Variants in CPS1 observed in about 807,000 individuals in gnomAD.
The protein encoded by CPS1 is carbamoyl-phosphate synthase [ammonia], mitochondrial.
In CPS1, 109 loss-of-function variants were observed where a neutral mutation model predicts 174.6. The observed-to-expected ratio is 0.62, with a 90% CI of 0.53 to 0.73. The LOEUF is 0.73. CPS1 is among the 30% of genes least tolerant of loss of function. The pLI is 0.00. For missense variants in CPS1, 1,689 were observed against 1,821.9 expected, an observed-to-expected ratio of 0.93 and a Z score of 1.33; for synonymous variants, 637 against 632.0, an observed-to-expected ratio of 1.01 and a Z score of -0.12.
At chr2:210,513,903 A>C (rs1340447624) in intron 1 of CPS1, among the ~76,000 whole-genome samples, 1 of 152,016 alleles carries the variant, frequency 6.6e-6, no homozygotes, top group Non-Finnish European at 1.5e-5. Context: ...TTTTCTGCAT[A>C]TGGCTAGTCA....
In CPS1 at chr2:210,578,543, G is replaced by T. The variant is rs183392522; in HGVS notation, c.471+1033G>T. ...GTAGCTGCTTTTTGTTCAACTGCTG[G>T]GCCTGTAATTGACAGAATTTTATTC... is the stretch of plus-strand genomic sequence containing the variant. On this transcript the variant is annotated intron_variant, in intron 4 of 37. Coordinates refer to ENST00000233072, the MANE Select transcript of CPS1 (RefSeq NM_001875.5). Among the ~76,000 whole-genome samples, 11 of 152,058 alleles carry T rather than the reference G, an allele frequency of 7.2e-5. No individual in the cohort carries two copies. The East Asian group carries it at 2.1e-3, about 29-fold the overall frequency.
At position 210,656,575 on chromosome 2, in the gene CPS1, G is replaced by A. The variant is rs148237524; in HGVS notation, c.3609G>A (p.Ser1203=). Residue 1203 remains serine, a synonymous_variant, in exon 30 of 38, where the codon TCG becomes TCA. Transcript: ENST00000233072. ...ATGTTGAAGATGCAGGTGTCCACTCGGGAGATGCCACTCTGATGCTGCCCA... is the reference window on the plus strand; with the variant it reads ...ATGTTGAAGATGCAGGTGTCCACTCAGGAGATGCCACTCTGATGCTGCCCA... ...SEHVEDAGVH[S]GDATLMLPTQ... is the part of the protein sequence containing the mutation. 1.2e-6 allele frequency: 2 copies of A among 1,611,974 alleles called. No individual in the cohort carries two copies. The highest frequency in any genetic ancestry group is 1.3e-5 in the African/African-American group (1 of 74,080).
chr2:210,492,153 T>G (rs892496519), intron 1 of CPS1, among the ~76,000 whole-genome samples: 7 of 152,374 alleles, frequency 4.6e-5, no homozygotes, highest in Non-Finnish European at 8.8e-5. Context: ...GTTATCATTA[T>G]ATAACATTCA....
chr2:210,640,496 T>A (rs1251864462), intron 24 of CPS1, among the ~76,000 whole-genome samples: 3 of 152,214 alleles, frequency 2.0e-5, no homozygotes, highest in Non-Finnish European at 4.4e-5. Context: ...TTCGTTTACC[T>A]CAAATGCAAA....
At chr2:210,509,398 T>G (rs1695388004) in intron 1 of CPS1, among the ~76,000 whole-genome samples, 1 of 152,178 alleles carries the variant, frequency 6.6e-6, no homozygotes, top group Non-Finnish European at 1.5e-5. Context: ...ATAAGAGCTA[T>G]CTATGACAAA....
chr2:210,607,725 T>C (rs1698967992), intron 18 of CPS1, among the ~76,000 whole-genome samples: 1 of 151,866 alleles, frequency 6.6e-6, no homozygotes, highest in African/African-American at 2.4e-5. Flanking sequence ...CCTCATTTGT[T>C]AGGTGGAAGT....
chr2:210,484,997 G>C (rs1056511462), intron 1 of CPS1, among the ~76,000 whole-genome samples: 3 of 152,028 alleles, frequency 2.0e-5, no homozygotes, highest in Admixed American at 6.5e-5. Context: ...GGGAGGCTGA[G>C]GTGGGCAGAT....
At chr2:210,652,849 G>A (rs1487041798) in intron 28 of CPS1, among the ~76,000 whole-genome samples, 1 of 152,114 alleles carries the variant, frequency 6.6e-6, no homozygotes, top group African/African-American at 2.4e-5. Flanking sequence ...GAGGGAGAGA[G>A]TATAGAAGAA....
intron 9 of CPS1, among the ~76,000 whole-genome samples, chr2:210,591,396 G>A (rs1698291514): frequency 6.6e-6 from 1 of 151,804 alleles, no homozygotes; most frequent in African/African-American, 2.4e-5. Flanking sequence ...TAAACATCAG[G>A]CTTTTTCCCA....
intron 21 of CPS1, among the ~76,000 whole-genome samples, chr2:210,633,372 G>T (rs7607234): frequency 6.6e-6 from 1 of 151,044 alleles, no homozygotes; most frequent in East Asian, 1.9e-4. Context: ...CTTCTTTCTC[G>T]TTCTCCCTTC....
In CPS1 at chr2:210,588,062, T is replaced by C. The variant is rs1227051268; in HGVS notation, c.626T>C (p.Val209Ala). The part of the protein sequence containing the change: ...NLIAEVSTKD[V>A]KVYGKGNPTK... ...CTCTGGTTTTTAAAATGGCAGGATGTCAAAGTGTACGGCAAAGGAAACCCC... is the reference window on the plus strand; with the variant it reads ...CTCTGGTTTTTAAAATGGCAGGATGCCAAAGTGTACGGCAAAGGAAACCCC... Residue 209 changes from valine (V) to alanine (A), a missense_variant, in exon 7 of 38, where the codon GTC (valine) becomes GCC (alanine). Coordinates refer to ENST00000233072, the MANE Select transcript of CPS1 (RefSeq NM_001875.5). 1 of 1,612,906 alleles carries C rather than the reference T, an allele frequency of 6.2e-7. No homozygotes were observed. Among genetic ancestry groups the C allele is most frequent in the Non-Finnish European group, 8.5e-7 (1 of 1,179,184 alleles).
At chr2:210,606,478 T>G (rs1435217149) in intron 17 of CPS1, among the ~76,000 whole-genome samples, 1 of 151,844 alleles carries the variant, frequency 6.6e-6, no homozygotes, top group African/African-American at 2.4e-5. Context: ...GTCAATCTAG[T>G]AAGTAGACGA....
Position 210,659,276 on chromosome 2 carries a change from C to A in CPS1, c.3756+588C>A, listed in dbSNP as rs114636477. On this transcript the variant is annotated intron_variant, in intron 31 of 37. Transcript: ENST00000233072. ...AGCTGAATCTGGTAAGGGTCTCAGG[C>A]TGCTTCCATTCATGGTGGAGAGTGG... Among the ~76,000 whole-genome samples, 315 of 152,176 alleles carry A rather than the reference C, an allele frequency of 2.1e-3. 2 individuals carry two copies. The highest frequency in any genetic ancestry group is 7.2e-3 in the African/African-American group (300 of 41,508).
chr2:210,575,981 A>G (rs981578476), intron 2 of CPS1, among the ~76,000 whole-genome samples: 7 of 152,132 alleles, frequency 4.6e-5, no homozygotes, highest in African/African-American at 1.7e-4. Flanking sequence ...GCTCAATGAT[A>G]TCTGGTAGGC....
At chr2:210,580,518 T>C (rs1299050009) in intron 5 of CPS1, among the ~76,000 whole-genome samples, 1 of 151,994 alleles carries the variant, frequency 6.6e-6, no homozygotes, top group Non-Finnish European at 1.5e-5. Flanking sequence ...TAAAGTTTTC[T>C]TACTAAATAT....
At chr2:210,619,934 G>C (rs925920901) in intron 21 of CPS1, 9 of 151,838 alleles carry the variant, frequency 5.9e-5, no homozygotes, top group Non-Finnish European at 1.2e-4. Context: ...GGGCCTGTTG[G>C]GGGGTGGGGG....
intron 1 of CPS1, among the ~76,000 whole-genome samples, chr2:210,523,599 G>T (rs1695885981): frequency 6.6e-6 from 1 of 151,906 alleles, no homozygotes; most frequent in Non-Finnish European, 1.5e-5. Flanking sequence ...TGAGGTCTTT[G>T]ATTTTCTGTG....
chr2:210,608,227 CA>C, intron 18 of CPS1, 133 bp from the exon 19 acceptor site: 1 of 772,434 alleles, frequency 1.3e-6, no homozygotes, highest in Non-Finnish European at 2.1e-6. Context: ...AATATTGATG[CA>C]GAACAGAGAA....
intron 21 of CPS1, chr2:210,617,572 A>G (rs3770684): frequency 1.3e-5 from 2 of 151,956 alleles, no homozygotes; most frequent in Non-Finnish European, 2.9e-5. Context: ...AAACTAGGTA[A>G]TAAAACACTT....
Sources: allele counts gnomAD v4.1 joint callset (sites outside exome capture counted in the v4.1 genomes callset), GRCh38; gene constraint gnomAD v4.1.1; transcripts MANE v1.5; gene names NCBI Gene and HGNC (gene_info 2026-07-23, HGNC 2026-07-21).